CSMD1: variants seen among roughly 807,000 people sequenced by gnomAD.
CSMD1 encodes the protein CUB and Sushi multiple domains 1.
Under a neutral mutation model 417.5 loss-of-function variants are expected in CSMD1, and 213 were observed. The ratio of observed to expected loss-of-function variants is 0.51; its 90% CI spans 0.46 to 0.57. CSMD1 has a LOEUF of 0.57. Among genes scored for constraint, CSMD1 ranks in the 20% least tolerant of loss-of-function variants. CSMD1 has a pLI of 0.00. For synonymous variants in CSMD1, 2,862 were observed against 1,736.8 expected (o/e 1.65, Z -16.11); for missense variants, 6,923 against 4,529.7 (o/e 1.53, Z -15.17).
chr8:3,520,882 G>C (rs1305127970), intron 10 of CSMD1, among the ~76,000 whole-genome samples: 1 of 152,072 alleles, frequency 6.6e-6, no homozygotes, highest in African/African-American at 2.4e-5. Flanking sequence ...TCACCCTTGT[G>C]TCTAGCACTG....
At chr8:4,811,062 G>C (rs988625152) in intron 1 of CSMD1, among the ~76,000 whole-genome samples, 1 of 152,194 alleles carries the variant, frequency 6.6e-6, no homozygotes, top group Admixed American at 6.5e-5. Context: ...AATCAGTAAA[G>C]TAATTCGACC....
At chr8:4,228,098 A>G (rs1215232601) in intron 3 of CSMD1, among the ~76,000 whole-genome samples, 4 of 152,044 alleles carry the variant, frequency 2.6e-5, no homozygotes, top group African/African-American at 7.2e-5. Flanking sequence ...CACACTCTCT[A>G]TCCTTCATTC....
chr8:3,176,446 A>G (rs1820942386), intron 37 of CSMD1, among the ~76,000 whole-genome samples: 1 of 152,150 alleles, frequency 6.6e-6, no homozygotes, highest in Non-Finnish European at 1.5e-5. Flanking sequence ...AAACTTCTCC[A>G]CAGTTAACCT....
intron 1 of CSMD1, among the ~76,000 whole-genome samples, chr8:4,798,943 C>G (rs1005741886): frequency 1.3e-5 from 2 of 152,320 alleles, no homozygotes; most frequent in South Asian, 4.1e-4. Flanking sequence ...CATTCTTGAT[C>G]TGCCCTCCAA....
intron 52 of CSMD1, among the ~76,000 whole-genome samples, chr8:3,002,954 G>T (rs191060700): frequency 6.6e-6 from 1 of 152,194 alleles, no homozygotes; most frequent in Non-Finnish European, 1.5e-5. Context: ...AAAAAGTTAT[G>T]TATCAGCAGG....
chr8:3,311,741 A>C (rs1805367468), intron 23 of CSMD1, among the ~76,000 whole-genome samples: 1 of 152,196 alleles, frequency 6.6e-6, no homozygotes, highest in South Asian at 2.1e-4. Context: ...GGCTGTGTTC[A>C]TTTTGACAAT....
At chr8:3,274,115 C>G (rs569923340) in intron 26 of CSMD1, among the ~76,000 whole-genome samples, 4 of 151,888 alleles carry the variant, frequency 2.6e-5, no homozygotes, top group African/African-American at 7.3e-5. Flanking sequence ...CCCAGAGACT[C>G]TGGTATGTTG....
At chr8:4,487,404 G>A (rs543467620) in intron 2 of CSMD1, among the ~76,000 whole-genome samples, 1 of 152,088 alleles carries the variant, frequency 6.6e-6, no homozygotes, top group Non-Finnish European at 1.5e-5. Context: ...CTATGAGTGA[G>A]AACATGCAGT....
At chr8:4,488,407 A>C (rs114845207) in intron 2 of CSMD1, among the ~76,000 whole-genome samples, 189 of 152,238 alleles carry the variant, frequency 1.2e-3, no homozygotes, top group African/African-American at 4.4e-3. Flanking sequence ...GGGGGGCTTG[A>C]TCTCGTTGCC....
At chr8:4,091,745 T>C (rs79563094) in intron 3 of CSMD1, among the ~76,000 whole-genome samples, 8,797 of 152,272 alleles carry the variant, frequency 0.058, 452 homozygotes, top group African/African-American at 0.13. Flanking sequence ...TGTGTATAAA[T>C]GTATCCTGTA....
intron 12 of CSMD1, among the ~76,000 whole-genome samples, chr8:3,417,164 C>G (rs779568927): frequency 1.4e-4 from 22 of 152,096 alleles, no homozygotes; most frequent in Non-Finnish European, 2.6e-4. Context: ...GTCTTTGTTA[C>G]CATGAAGAGT....
chr8:4,259,087 G>C (rs151189998), intron 3 of CSMD1, among the ~76,000 whole-genome samples: 6 of 152,136 alleles, frequency 3.9e-5, no homozygotes, highest in Non-Finnish European at 7.4e-5. Context: ...TGATTTTGAT[G>C]TAGCATTTAC....
At chr8:4,972,023 G>C (rs74791424) in intron 1 of CSMD1, among the ~76,000 whole-genome samples, 3,766 of 152,094 alleles carry the variant, frequency 0.025, 143 homozygotes, top group African/African-American at 0.086. Flanking sequence ...ATTGAAGAAA[G>C]TCTTAAAGAA....
intron 3 of CSMD1, among the ~76,000 whole-genome samples, chr8:4,219,776 T>G (rs1039461647): frequency 3.9e-5 from 6 of 152,202 alleles, no homozygotes. Context: ...ATTTTTAATG[T>G]CACCAGATAG....
At chr8:4,453,216 G>C (rs372073881) in intron 2 of CSMD1, among the ~76,000 whole-genome samples, 36 of 149,214 alleles carry the variant, frequency 2.4e-4, no homozygotes, top group South Asian at 6.4e-4. Flanking sequence ...CACACACAGA[G>C]ACACACACAC....
intron 4 of CSMD1, among the ~76,000 whole-genome samples, chr8:4,009,794 T>G (rs1398568498): frequency 6.6e-6 from 1 of 152,124 alleles, no homozygotes; most frequent in African/African-American, 2.4e-5. Flanking sequence ...GGACCATTCC[T>G]GCTCCATCCC....
chr8:3,295,131 T>C (rs1300599541), intron 25 of CSMD1, among the ~76,000 whole-genome samples: 1 of 43,762 alleles, frequency 2.3e-5, no homozygotes, highest in Non-Finnish European at 1.1e-4. Context: ...ATTTATTTAT[T>C]TTATTTTATT....
rs368768095 is a variant in CSMD1, at chr8:3,165,440, A to T, written c.5726-3163T>A. Reference sequence around the variant, plus strand: ...TTATTTTTTATTTATTTATTTTTTTATTTATTTTTGAGACAGAGTCTCACT... The same window carrying T: ...TTATTTTTTATTTATTTATTTTTTTTTTTATTTTTGAGACAGAGTCTCACT... On this transcript the variant is annotated intron_variant, in intron 37 of 69. Coordinates refer to ENST00000635120, the MANE Select transcript of CSMD1 (RefSeq NM_033225.6). Among the ~76,000 whole-genome samples the T allele has an allele frequency of 1.1e-4, 16 of 151,320 alleles. No homozygotes were observed. In the East Asian group the frequency reaches 1.6e-3, roughly 15 times the overall value.
intron 5 of CSMD1, among the ~76,000 whole-genome samples, chr8:3,756,782 G>A (rs1797683925): frequency 6.6e-6 from 1 of 150,988 alleles, no homozygotes; most frequent in African/African-American, 2.4e-5. Context: ...GGTTCTGACT[G>A]AAAAAACCAG....
Sources: gnomAD v4.1 joint callset for allele counts (sites outside exome capture counted in the v4.1 genomes callset) on GRCh38, gnomAD v4.1.1 for gene constraint, MANE v1.5 for transcripts, NCBI Gene and HGNC (gene_info 2026-07-23, HGNC 2026-07-21) for gene names.